SEC11C: variants seen among roughly 807,000 people sequenced by gnomAD.
SEC11C encodes the protein SEC11 homolog C, signal peptidase complex subunit, also known as signal peptidase complex catalytic subunit SEC11C.
SEC11C carries 10 observed loss-of-function variants against 21.9 expected under a neutral mutation model. The ratio of observed to expected loss-of-function variants is 0.46; its 90% confidence interval spans 0.28 to 0.77. The LOEUF (loss-of-function observed/expected upper bound fraction) is 0.77, where lower values mean the gene tolerates loss of function less well. Among genes scored for constraint, SEC11C ranks in the 30% least tolerant of loss-of-function variants. SEC11C has a pLI of 0.12. For missense variants in SEC11C, 145 were observed against 244.5 expected (o/e 0.59, Z 2.71); for synonymous variants, 83 against 85.6 (o/e 0.97, Z 0.17).
chr18:59,144,438 T>C (rs895781444), intron 1 of SEC11C, among the ~76,000 whole-genome samples: 1 of 152,206 alleles, frequency 6.6e-6, no homozygotes, highest in African/African-American at 2.4e-5. Flanking sequence ...ACACTTTAAA[T>C]TTCTTAGGCA....
intron 2 of SEC11C, among the ~76,000 whole-genome samples, chr18:59,150,745 T>C (rs1296531130): frequency 1.4e-5 from 2 of 147,418 alleles, no homozygotes; most frequent in Non-Finnish European, 3.0e-5. Flanking sequence ...TTTTAAGGCT[T>C]TTTTTTTTTT....
At chr18:59,141,042 TC>T (rs1279190670) in intron 1 of SEC11C, among the ~76,000 whole-genome samples, 1 of 152,176 alleles carries the variant, frequency 6.6e-6, no homozygotes, top group Non-Finnish European at 1.5e-5. Context: ...GTATTAATCC[TC>T]ATTATTTTGA....
chr18:59,158,791 G>A lies in SEC11C; in HGVS notation c.*106G>A, dbSNP rs560960009. The A allele has an allele frequency of 9.4e-5, 92 of 974,926 alleles. No individual in the cohort carries two copies. In the South Asian group the frequency reaches 1.3e-3, roughly 13 times the overall value. 60.4% of individuals were successfully genotyped at this position (974,926 alleles called of 1,614,324 possible). On this transcript the variant is annotated 3_prime_UTR_variant, in exon 6 of 6. Coordinates refer to ENST00000587834, the MANE Select transcript of SEC11C (RefSeq NM_033280.4). ...TTTCTGTATAAAAGGGAACAGTGTG[G>A]AGATGTTTTTGTCTTGTCCAAATAA...
intron 1 of SEC11C, among the ~76,000 whole-genome samples, chr18:59,146,607 G>T (rs566615601): frequency 0.012 from 1,899 of 152,224 alleles, 34 homozygotes; most frequent in African/African-American, 0.044. Context: ...GGTGAGGGCC[G>T]ACAGTTATCC....
At chr18:59,148,770 C>T (rs111875876) in intron 1 of SEC11C, among the ~76,000 whole-genome samples, 6 of 152,138 alleles carry the variant, frequency 3.9e-5, no homozygotes, top group East Asian at 1.9e-4. Context: ...CCCACCGCCA[C>T]GCCCGGCTAA....
chr18:59,152,944 A>C (rs778720097), intron 3 of SEC11C: 2 of 281,030 alleles, frequency 7.1e-6, no homozygotes, highest in Non-Finnish European at 1.3e-5. Flanking sequence ...TGCTGCACAA[A>C]TATAAGGTAT....
At chr18:59,149,927 T>C (rs2069327745) in intron 2 of SEC11C, among the ~76,000 whole-genome samples, 1 of 152,206 alleles carries the variant, frequency 6.6e-6, no homozygotes, top group Admixed American at 6.5e-5. Context: ...TCTATACAAA[T>C]TGATTTTTAA....
At chr18:59,155,615 G>C (rs527951021) in intron 3 of SEC11C, 73 bp from the exon 4 acceptor site, 2 of 1,515,038 alleles carry the variant, frequency 1.3e-6, no homozygotes, top group African/African-American at 2.8e-5. Context: ...GTAAAGTCTT[G>C]AGTAAACTAA....
chr18:59,152,532 C>G lies in SEC11C; in HGVS notation c.198-4C>G. ...GCTGATACTGACTTTGTGCTTCTTT[C>G]CAGTGGCAGTATGGAGCCGGCCTTT... On this transcript the variant is annotated splice_polypyrimidine_tract_variant and splice_region_variant and intron_variant, in intron 2 of 5. Transcript: ENST00000587834. 6.3e-7 allele frequency: 1 copy of G among 1,595,326 alleles called. No homozygotes were observed. The highest frequency in any genetic ancestry group is 2.2e-5 in the East Asian group (1 of 44,734).
intron 4 of SEC11C, chr18:59,156,018 G>C (rs1603378289): frequency 2.1e-6 from 1 of 479,802 alleles, no homozygotes; most frequent in Admixed American, 3.6e-5. Context: ...TTATCTATAT[G>C]ATGGGTTCAA....
chr18:59,157,355 T>C (rs2069429800), intron 4 of SEC11C: 2 of 363,032 alleles, frequency 5.5e-6, no homozygotes, highest in Non-Finnish European at 9.9e-6. Flanking sequence ...ATTTTAATTG[T>C]AGCAAGTGAA....
chr18:59,149,741 T>C, intron 2 of SEC11C, 119 bp downstream of exon 2: 1 of 546,330 alleles, frequency 1.8e-6, no homozygotes, highest in African/African-American at 1.9e-5. Context: ...AGATTTTAAT[T>C]GGATAAATTA....
intron 1 of SEC11C, among the ~76,000 whole-genome samples, chr18:59,142,561 C>T (rs1178685861): frequency 2.6e-5 from 4 of 152,174 alleles, no homozygotes; most frequent in Non-Finnish European, 5.9e-5. Context: ...TGAACAGCTT[C>T]TGCTTTAGAG....
At chr18:59,158,056 G>A (rs1172242997) in intron 5 of SEC11C, among the ~76,000 whole-genome samples, 1 of 151,576 alleles carries the variant, frequency 6.6e-6, no homozygotes, top group East Asian at 1.9e-4. Context: ...ATACATATGT[G>A]TATATATATA....
chr18:59,155,353 G>A (rs1230643351), intron 3 of SEC11C, among the ~76,000 whole-genome samples: 1 of 152,204 alleles, frequency 6.6e-6, no homozygotes, highest in Admixed American at 6.5e-5. Context: ...TCAGGTCCTA[G>A]TTTATTCGTC....
At chr18:59,149,451 T>G (rs1603377322) in intron 1 of SEC11C, 62 bp from the exon 2 acceptor site, 2 of 1,100,914 alleles carry the variant, frequency 1.8e-6, no homozygotes, top group Middle Eastern at 2.0e-4. Flanking sequence ...CATCTCCAGC[T>G]TCACAGGTTG....
intron 2 of SEC11C, among the ~76,000 whole-genome samples, 193 bp downstream of exon 2, chr18:59,149,815 ATCTT>A (rs2069326130): frequency 1.3e-5 from 2 of 152,276 alleles, no homozygotes; most frequent in Admixed American, 1.3e-4. Context: ...GAAAAATCTC[ATCTT>A]TCTTAGTAGA....
chr18:59,153,843 A>G (rs1053777901), intron 3 of SEC11C, among the ~76,000 whole-genome samples: 6 of 152,046 alleles, frequency 3.9e-5, no homozygotes, highest in Non-Finnish European at 7.4e-5. Flanking sequence ...AGTAGCTGGA[A>G]TTACAGGCAT....
At chr18:59,143,061 A>G (rs74684697) in intron 1 of SEC11C, among the ~76,000 whole-genome samples, 2,843 of 152,246 alleles carry the variant, frequency 0.019, 35 homozygotes, top group Non-Finnish European at 0.028. Context: ...GCTTTTAAAA[A>G]TGGTGTGTAG....
Sources: allele counts gnomAD v4.1 joint callset (sites outside exome capture counted in the v4.1 genomes callset), GRCh38; gene constraint gnomAD v4.1.1; transcripts MANE v1.5; gene names NCBI Gene and HGNC (gene_info 2026-07-23, HGNC 2026-07-21).